The following SEZ6L variants were observed in gnomAD, a reference collection of about 807,000 sequenced individuals.
The protein encoded by SEZ6L is seizure 6-like protein.
In SEZ6L, 37 loss-of-function variants were observed where a neutral mutation model predicts 106.2. The ratio of observed to expected loss-of-function variants is 0.35; its 90% CI spans 0.27 to 0.46. SEZ6L has a LOEUF of 0.46. SEZ6L is among the 20% of genes least tolerant of loss of function. The pLI is 1.00. For missense variants in SEZ6L, 1,172 were observed against 1,332.8 expected (o/e 0.88, Z 1.88); for synonymous variants, 541 against 570.4 (o/e 0.95, Z 0.73).
intron 1 of SEZ6L, among the ~76,000 whole-genome samples, chr22:26,191,227 A>T (rs1048091658): frequency 6.6e-6 from 1 of 152,232 alleles, no homozygotes; most frequent in African/African-American, 2.4e-5. Flanking sequence ...CAGCAATCCC[A>T]TTACTGGGTA....
At chr22:26,212,717 C>G (rs74276941) in intron 1 of SEZ6L, among the ~76,000 whole-genome samples, 11,347 of 152,268 alleles carry the variant, frequency 0.075, 432 homozygotes, top group Admixed American at 0.11. Flanking sequence ...GCCACCACGC[C>G]TGGCCAAGAT....
At chr22:26,341,373 C>T (rs2082831302) in intron 10 of SEZ6L, among the ~76,000 whole-genome samples, 1 of 152,158 alleles carries the variant, frequency 6.6e-6, no homozygotes, top group South Asian at 2.1e-4. Flanking sequence ...ATTCCCCACC[C>T]TGTAACTCTC....
chr22:26,343,871 A>G (rs1253211314), intron 10 of SEZ6L, among the ~76,000 whole-genome samples: 2 of 152,234 alleles, frequency 1.3e-5, no homozygotes, highest in African/African-American at 4.8e-5. Flanking sequence ...TAATTGCGAT[A>G]CCACTCAGTT....
chr22:26,289,373 T>G (rs2081037967), intron 1 of SEZ6L, among the ~76,000 whole-genome samples: 1 of 152,228 alleles, frequency 6.6e-6, no homozygotes, highest in South Asian at 2.1e-4. Flanking sequence ...CAGATCCACG[T>G]CTGGTCTAAT....
At chr22:26,243,779 C>A (rs1407073930) in intron 1 of SEZ6L, among the ~76,000 whole-genome samples, 1 of 152,124 alleles carries the variant, frequency 6.6e-6, no homozygotes, top group South Asian at 2.1e-4. Context: ...CATCAAAGCA[C>A]CTGGTCTGGT....
intron 1 of SEZ6L, among the ~76,000 whole-genome samples, chr22:26,267,282 G>C (rs1238164668): frequency 6.6e-6 from 1 of 152,160 alleles, no homozygotes; most frequent in Non-Finnish European, 1.5e-5. Context: ...GTGATACCAA[G>C]CTTGGCTGTC....
intron 13 of SEZ6L, among the ~76,000 whole-genome samples, chr22:26,372,279 T>G (rs191876987): frequency 5.1e-4 from 77 of 152,336 alleles, no homozygotes; most frequent in African/African-American, 1.8e-3. Context: ...GTGGGGTTCA[T>G]GAGCACAGGG....
chr22:26,197,642 C>T (rs1232508054), intron 1 of SEZ6L, among the ~76,000 whole-genome samples: 1 of 152,138 alleles, frequency 6.6e-6, no homozygotes, highest in East Asian at 1.9e-4. Context: ...ATAACTACTC[C>T]CAGCCCAGTC....
intron 1 of SEZ6L, among the ~76,000 whole-genome samples, chr22:26,173,250 GCTC>G (rs562681455): frequency 3.5e-4 from 54 of 152,340 alleles, no homozygotes; most frequent in African/African-American, 1.3e-3. Flanking sequence ...AGGGCAAACT[GCTC>G]CTATTAGTAG....
intron 1 of SEZ6L, among the ~76,000 whole-genome samples, chr22:26,189,920 A>AC (rs1470969341): frequency 1.3e-5 from 2 of 151,954 alleles, no homozygotes; most frequent in Admixed American, 1.3e-4. Context: ...AGATGGTGAA[A>AC]CCCCATCTCT....
chr22:26,240,594 A>G (rs1046844469), intron 1 of SEZ6L, among the ~76,000 whole-genome samples: 2 of 152,108 alleles, frequency 1.3e-5, no homozygotes, highest in African/African-American at 2.4e-5. Flanking sequence ...GTTATATGCT[A>G]TCATTATTGA....
At chr22:26,324,247 G>C (rs1429624641) in intron 9 of SEZ6L, among the ~76,000 whole-genome samples, 1 of 152,120 alleles carries the variant, frequency 6.6e-6, no homozygotes, top group Non-Finnish European at 1.5e-5. Context: ...ATCCATCTCT[G>C]CAGGGAAAAA....
At chr22:26,171,622 G>C (rs911527722) in intron 1 of SEZ6L, among the ~76,000 whole-genome samples, 8 of 152,210 alleles carry the variant, frequency 5.3e-5, no homozygotes, top group African/African-American at 1.9e-4. Context: ...AGACATGTGT[G>C]TGTTTTAATT....
intron 9 of SEZ6L, among the ~76,000 whole-genome samples, chr22:26,328,747 A>C (rs1283685565): frequency 6.6e-6 from 1 of 151,934 alleles, no homozygotes; most frequent in Non-Finnish European, 1.5e-5. Context: ...TCTCTTTGGG[A>C]ATAAGAGGGA....
intron 12 of SEZ6L, among the ~76,000 whole-genome samples, chr22:26,356,319 A>G (rs1235379901): frequency 2.0e-5 from 3 of 152,238 alleles, no homozygotes; most frequent in South Asian, 4.1e-4. Flanking sequence ...ATACATTAAA[A>G]GAAAAACGGT....
intron 8 of SEZ6L, 34 bp downstream of exon 8, chr22:26,311,996 C>A (rs375168025): frequency 6.3e-7 from 1 of 1,595,742 alleles, no homozygotes; most frequent in Non-Finnish European, 8.6e-7. Flanking sequence ...CCCACGGCAC[C>A]CCAGGGATCT....
intron 1 of SEZ6L, among the ~76,000 whole-genome samples, chr22:26,200,267 T>C (rs889602561): frequency 1.3e-5 from 2 of 152,194 alleles, no homozygotes; most frequent in African/African-American, 4.8e-5. Context: ...TGTTTGCATG[T>C]ATGTGTATGT....
intron 1 of SEZ6L, among the ~76,000 whole-genome samples, chr22:26,190,578 C>A (rs1601983702): frequency 6.6e-6 from 1 of 152,138 alleles, no homozygotes; most frequent in East Asian, 1.9e-4. Context: ...ATAATAGTAC[C>A]AATTTCACAG....
At chr22:26,373,428 A>G (rs376937004) in intron 13 of SEZ6L, 23 bp from the exon 14 acceptor site, 56 of 1,600,952 alleles carry the variant, frequency 3.5e-5, no homozygotes, top group African/African-American at 1.1e-4. Flanking sequence ...ACATTGACCA[A>G]TGCTTCCTGA....
Sources: gnomAD v4.1 joint callset for allele counts (sites outside exome capture counted in the v4.1 genomes callset) on GRCh38, gnomAD v4.1.1 for gene constraint, MANE v1.5 for transcripts, NCBI Gene and HGNC (gene_info 2026-07-23, HGNC 2026-07-21) for gene names.